The following GALNT10 variants were observed in gnomAD, a reference collection of about 807,000 sequenced individuals.
GALNT10 encodes polypeptide N-acetylgalactosaminyltransferase 10, also known as GalNAc transferase 10.
A neutral mutation model predicts 75.0 loss-of-function variants in GALNT10; 41 were observed. The ratio of observed to expected loss-of-function variants is 0.55; its 90% CI spans 0.43 to 0.71. The LOEUF (loss-of-function observed/expected upper bound fraction) is 0.71, where lower values mean the gene tolerates loss of function less well. GALNT10 is among the 30% of genes least tolerant of loss of function. The pLI, the probability that GALNT10 is intolerant of heterozygous loss-of-function variation, is 0.00. For missense variants in GALNT10, 727 were observed against 818.5 expected, an observed-to-expected ratio of 0.89 and a Z score of 1.36; for synonymous variants, 302 against 313.0, an observed-to-expected ratio of 0.96 and a Z score of 0.37.
At chr5:154,368,149 A>G (rs1309629315) in intron 4 of GALNT10, among the ~76,000 whole-genome samples, 2 of 152,322 alleles carry the variant, frequency 1.3e-5, no homozygotes, top group South Asian at 4.1e-4. Flanking sequence ...AGGCCTAAGA[A>G]TGGACATTTC....
intron 4 of GALNT10, among the ~76,000 whole-genome samples, chr5:154,370,065 T>C (rs1433726335): frequency 6.6e-6 from 1 of 152,272 alleles, no homozygotes; most frequent in East Asian, 1.9e-4. Flanking sequence ...TGAAGATTCC[T>C]GAACGAAGCA....
At chr5:154,293,609 A>ATTTTTTTTTTTTTTTTTTT (rs1466080479) in intron 1 of GALNT10, among the ~76,000 whole-genome samples, 50 of 122,742 alleles carry the variant, frequency 4.1e-4, no homozygotes, top group Non-Finnish European at 7.0e-4. Context: ...ATATATATAT[A>ATTTTTTTTTTTTTTTTTTT]TATATTTTTT....
At chr5:154,221,686 G>A (rs1323324159) in intron 1 of GALNT10, among the ~76,000 whole-genome samples, 1 of 152,234 alleles carries the variant, frequency 6.6e-6, no homozygotes, top group Non-Finnish European at 1.5e-5. Flanking sequence ...TGGACTGCCA[G>A]GACTTGGGTA....
chr5:154,311,613 CTT>C (rs67653636), intron 3 of GALNT10, among the ~76,000 whole-genome samples: 30 of 140,550 alleles, frequency 2.1e-4, no homozygotes, highest in Middle Eastern at 3.5e-3. Context: ...AGAATGGAGA[CTT>C]TTTTTTTTTT....
chr5:154,355,362 C>T (rs1755274046), intron 4 of GALNT10, among the ~76,000 whole-genome samples: 1 of 152,242 alleles, frequency 6.6e-6, no homozygotes, highest in Non-Finnish European at 1.5e-5. Flanking sequence ...AGGCCCTCTG[C>T]CTTCTGAGAA....
chr5:154,293,252 G>A (rs2113072011), intron 1 of GALNT10, among the ~76,000 whole-genome samples: 1 of 152,268 alleles, frequency 6.6e-6, no homozygotes, highest in Non-Finnish European at 1.5e-5. Flanking sequence ...AATTATATAG[G>A]AAATAGCACT....
chr5:154,295,961 C>G (rs935677536), intron 2 of GALNT10, among the ~76,000 whole-genome samples: 1 of 152,162 alleles, frequency 6.6e-6, no homozygotes, highest in African/African-American at 2.4e-5. Flanking sequence ...TACATTATGA[C>G]AAAACCAGCT....
chr5:154,306,127 A>G (rs1754429281), intron 3 of GALNT10, among the ~76,000 whole-genome samples: 1 of 152,222 alleles, frequency 6.6e-6, no homozygotes, highest in Non-Finnish European at 1.5e-5. Context: ...AGATAGACAG[A>G]AAATCAGCAA....
At chr5:154,363,021 A>G (rs924600374) in intron 4 of GALNT10, among the ~76,000 whole-genome samples, 9 of 152,234 alleles carry the variant, frequency 5.9e-5, no homozygotes, top group African/African-American at 1.9e-4. Context: ...TGTATCAGTC[A>G]AAGTGGGGCT....
chr5:154,246,837 G>T (rs555951700), intron 1 of GALNT10, among the ~76,000 whole-genome samples: 3 of 152,238 alleles, frequency 2.0e-5, no homozygotes, highest in Admixed American at 6.5e-5. Context: ...GTCAATTTTG[G>T]CTTTTGTTGC....
intron 1 of GALNT10, among the ~76,000 whole-genome samples, chr5:154,288,950 C>T (rs930641134): frequency 2.6e-5 from 4 of 152,062 alleles, no homozygotes; most frequent in African/African-American, 7.2e-5. Flanking sequence ...CACTGTGTTT[C>T]GATGTGGGCA....
intron 1 of GALNT10, among the ~76,000 whole-genome samples, chr5:154,232,720 C>T (rs1000415738): frequency 1.3e-5 from 2 of 152,138 alleles, no homozygotes; most frequent in African/African-American, 2.4e-5. Flanking sequence ...TGCTTGAAGA[C>T]GAGAAAGAGT....
chr5:154,317,854 A>G (rs1754617768), intron 3 of GALNT10, among the ~76,000 whole-genome samples: 1 of 152,234 alleles, frequency 6.6e-6, no homozygotes, highest in Non-Finnish European at 1.5e-5. Flanking sequence ...GACTGATGCC[A>G]GTAGGAATCT....
intron 1 of GALNT10, among the ~76,000 whole-genome samples, chr5:154,206,234 A>G (rs1257825278): frequency 6.6e-6 from 1 of 152,224 alleles, no homozygotes; most frequent in Non-Finnish European, 1.5e-5. Context: ...CTGCTTATTA[A>G]GAGATCAACC....
chr5:154,340,180 A>G (rs1306280755), intron 4 of GALNT10, among the ~76,000 whole-genome samples: 1 of 152,200 alleles, frequency 6.6e-6, no homozygotes, highest in Non-Finnish European at 1.5e-5. Flanking sequence ...CATCATTCAC[A>G]TTCTCAAGCT....
chr5:154,326,001 A>G (rs895677957), intron 3 of GALNT10, among the ~76,000 whole-genome samples: 1 of 152,212 alleles, frequency 6.6e-6, no homozygotes, highest in Non-Finnish European at 1.5e-5. Flanking sequence ...TATTAGAACT[A>G]ATAAATGTGC....
At chr5:154,385,864 G>A (rs576762239) in intron 6 of GALNT10, among the ~76,000 whole-genome samples, 4 of 152,160 alleles carry the variant, frequency 2.6e-5, no homozygotes, top group South Asian at 2.1e-4. Context: ...GCTGCCTCCC[G>A]CAAGGATTGT....
At chr5:154,404,238 T>A in intron 8 of GALNT10, 27 bp downstream of exon 8, 1 of 1,448,772 alleles carries the variant, frequency 6.9e-7, no homozygotes, top group Non-Finnish European at 9.5e-7. Flanking sequence ...CCTTGGCGGG[T>A]AGAAGGGGTT....
At chr5:154,342,040 G>C (rs903074895) in intron 4 of GALNT10, among the ~76,000 whole-genome samples, 2 of 152,122 alleles carry the variant, frequency 1.3e-5, no homozygotes, top group African/African-American at 4.8e-5. Context: ...ACTGGGTAAG[G>C]TACTGCACCG....
Sources: gnomAD v4.1 joint callset for allele counts (sites outside exome capture counted in the v4.1 genomes callset) on GRCh38, gnomAD v4.1.1 for gene constraint, MANE v1.5 for transcripts, NCBI Gene and HGNC (gene_info 2026-07-23, HGNC 2026-07-21) for gene names.